Variants in SORBS2 observed in about 807,000 individuals in gnomAD.
The protein encoded by SORBS2 is sorbin and SH3 domain-containing protein 2.
Under a neutral mutation model 97.7 loss-of-function variants are expected in SORBS2, and 46 were observed. The observed-to-expected ratio is 0.47, with a 90% CI of 0.37 to 0.60. SORBS2 has a LOEUF of 0.60. SORBS2 is among the 20% of genes least tolerant of loss of function. SORBS2 has a pLI of 0.00. For missense variants in SORBS2, 1,316 were observed against 1,282.3 expected (o/e 1.03, Z -0.40); for synonymous variants, 476 against 473.4 (o/e 1.01, Z -0.07).
chr4:185,711,110 C>G (rs2098416696), intron 2 of SORBS2, among the ~76,000 whole-genome samples: 2 of 151,600 alleles, frequency 1.3e-5, no homozygotes, highest in African/African-American at 2.4e-5. Flanking sequence ...GCTGGGAGTA[C>G]AGATATACAC....
chr4:185,717,929 C>T (rs892186059), intron 2 of SORBS2, among the ~76,000 whole-genome samples: 10 of 152,130 alleles, frequency 6.6e-5, no homozygotes, highest in African/African-American at 1.4e-4. Flanking sequence ...ATAGGATCAC[C>T]GTGAGAATGG....
chr4:185,918,947 G>A (rs1190067924), intron 1 of SORBS2, among the ~76,000 whole-genome samples: 1 of 152,190 alleles, frequency 6.6e-6, no homozygotes, highest in Non-Finnish European at 1.5e-5. Context: ...GTCCACAGAT[G>A]CAGCATTTGA....
chr4:185,860,351 T>C (rs756369468), intron 1 of SORBS2, among the ~76,000 whole-genome samples: 49 of 152,184 alleles, frequency 3.2e-4, no homozygotes, highest in Non-Finnish European at 4.3e-4. Context: ...ATTTCGATAA[T>C]GAGTGCCATG....
chr4:185,887,863 C>T (rs1464916042), intron 1 of SORBS2, among the ~76,000 whole-genome samples: 3 of 151,932 alleles, frequency 2.0e-5, no homozygotes, highest in South Asian at 4.2e-4. Context: ...TTTTGTTCCT[C>T]AAAACTTTCC....
intron 1 of SORBS2, among the ~76,000 whole-genome samples, chr4:185,654,776 A>G (rs754995168): frequency 2.0e-5 from 3 of 150,222 alleles, no homozygotes; most frequent in Non-Finnish European, 4.4e-5. Context: ...ATCATTTTGC[A>G]TGAAAAATAG....
chr4:185,793,890 C>T (rs571186738), intron 1 of SORBS2, among the ~76,000 whole-genome samples: 3 of 152,178 alleles, frequency 2.0e-5, no homozygotes, highest in Non-Finnish European at 4.4e-5. Context: ...CACATGGCAG[C>T]GGCCACACCT....
chr4:185,697,470 C>A (rs879397405), intron 2 of SORBS2, among the ~76,000 whole-genome samples: 1 of 152,092 alleles, frequency 6.6e-6, no homozygotes, highest in Non-Finnish European at 1.5e-5. Context: ...TAAGATTTTC[C>A]CCCCCACACA....
At position 185,796,423 on chromosome 4, in the gene SORBS2, C is replaced by T. The variant is rs1461747200; in HGVS notation, c.-337-21057G>A. On this transcript the variant is annotated intron_variant, in intron 1 of 20. Coordinates refer to the SORBS2 transcript ENST00000284776. ...CATACCAATGGCTCCCAGGGCCCTG[C>T]AGATTTATATGAAATCCATCGCTCC... Among the ~76,000 whole-genome samples the T allele has an allele frequency of 2.6e-5, 4 of 152,240 alleles. 1 individual carries two copies. In the East Asian group the frequency reaches 7.7e-4, roughly 29 times the overall value.
At chr4:185,814,382 A>G (rs1196001611) in intron 1 of SORBS2, among the ~76,000 whole-genome samples, 1 of 151,818 alleles carries the variant, frequency 6.6e-6, no homozygotes, top group Non-Finnish European at 1.5e-5. Context: ...AAAATCAAAC[A>G]AACAAACAAT....
intron 4 of SORBS2, chr4:185,638,927 T>A (rs752109094): frequency 1.3e-6 from 2 of 1,504,732 alleles, no homozygotes; most frequent in Non-Finnish European, 1.8e-6. Context: ...GGGGCGCCAC[T>A]CCGGGGCGGA....
At chr4:185,643,807 A>C (rs2097166378) in intron 4 of SORBS2, among the ~76,000 whole-genome samples, 1 of 152,178 alleles carries the variant, frequency 6.6e-6, no homozygotes, top group African/African-American at 2.4e-5. Flanking sequence ...AATGCTTCCA[A>C]GGCATCTTGG....
At chr4:185,675,803 C>T (rs2097782307) in intron 4 of SORBS2, among the ~76,000 whole-genome samples, 1 of 152,118 alleles carries the variant, frequency 6.6e-6, no homozygotes, top group Admixed American at 6.6e-5. Flanking sequence ...AATTGCTCTA[C>T]TGAACGAATT....
Position 185,607,482 on chromosome 4 carries a change from A to G in SORBS2, c.2796+4298T>C, listed in dbSNP as rs1014599369. Reference sequence around the variant, plus strand: ...ATATGAAAATAATTTTATGTTTAACATAGATTTGAAGACATTTAGAAGATA... The same window carrying G: ...ATATGAAAATAATTTTATGTTTAACGTAGATTTGAAGACATTTAGAAGATA... On this transcript the variant is annotated intron_variant, in intron 12 of 14. Transcript: ENST00000418609. The surrounding 1 kb of genome is among the most constrained non-coding windows in gnomAD (Gnocchi z 5.2). 9 of 398,704 alleles carry G rather than the reference A, an allele frequency of 2.3e-5. No individual in the cohort carries two copies. The highest frequency in any genetic ancestry group is 9.6e-5 in the East Asian group (1 of 10,388). The allele number at this position is 398,704 out of a possible 1,614,324, so 24.7% of individuals were successfully genotyped here. A position where few individuals can be genotyped will look rare whatever the true frequency, so the allele number is the denominator to read the frequency against.
intron 1 of SORBS2, among the ~76,000 whole-genome samples, chr4:185,878,552 T>A (rs2099234964): frequency 1.3e-5 from 2 of 152,164 alleles, no homozygotes; most frequent in East Asian, 3.9e-4. Context: ...CTGTGGACTT[T>A]GCCGCTAAGG....
At chr4:185,588,963 C>G (rs1456007717) in intron 14 of SORBS2, among the ~76,000 whole-genome samples, 1 of 152,036 alleles carries the variant, frequency 6.6e-6, no homozygotes, top group African/African-American at 2.4e-5. Context: ...GTGGCCGCAC[C>G]AGGGCCTCAA....
intron 2 of SORBS2, among the ~76,000 whole-genome samples, chr4:185,702,215 C>T (rs1250124223): frequency 6.6e-6 from 1 of 152,112 alleles, no homozygotes; most frequent in Non-Finnish European, 1.5e-5. Context: ...CTGCAGCCTG[C>T]ACGGGACGCA....
At chr4:185,652,224 A>G (rs574009881) in intron 2 of SORBS2, among the ~76,000 whole-genome samples, 8 of 152,298 alleles carry the variant, frequency 5.3e-5, no homozygotes, top group Admixed American at 2.0e-4. Flanking sequence ...TCGCTTCCCC[A>G]GAAACCTCTC....
At chr4:185,900,723 C>T (rs564861112) in intron 1 of SORBS2, among the ~76,000 whole-genome samples, 7 of 152,170 alleles carry the variant, frequency 4.6e-5, no homozygotes, top group African/African-American at 1.4e-4. Flanking sequence ...CTACAATTTA[C>T]TGAAATACTT....
intron 2 of SORBS2, among the ~76,000 whole-genome samples, chr4:185,687,321 ACTGT>A (rs1009750560): frequency 6.6e-6 from 1 of 152,196 alleles, no homozygotes; most frequent in Non-Finnish European, 1.5e-5. Flanking sequence ...AGCCACCGTG[ACTGT>A]CTGGCCTGTA....
Sources: gnomAD v4.1 joint callset for allele counts (sites outside exome capture counted in the v4.1 genomes callset) on GRCh38, gnomAD v4.1.1 for gene constraint, Gnocchi (gnomAD v3.1) non-coding constraint, MANE v1.5 for transcripts, NCBI Gene and HGNC (gene_info 2026-07-23, HGNC 2026-07-21) for gene names.